The following CCDC51 variants were observed in gnomAD, a reference collection of about 807,000 sequenced individuals.
The protein encoded by CCDC51 is mitochondrial potassium channel.
Under a neutral mutation model 24.8 loss-of-function variants are expected in CCDC51, and 25 were observed. The ratio of observed to expected loss-of-function variants is 1.01; its 90% CI spans 0.73 to 1.41. The LOEUF (loss-of-function observed/expected upper bound fraction) is 1.41, where lower values mean the gene tolerates loss of function less well. Ranked by LOEUF, CCDC51 falls within the 40% of genes most tolerant of loss-of-function variation. The pLI is 0.00. For synonymous variants in CCDC51, 190 were observed against 204.3 expected, an observed-to-expected ratio of 0.93 and a Z score of 0.60; for missense variants, 466 against 519.1, an observed-to-expected ratio of 0.90 and a Z score of 0.99.
intron 1 of CCDC51, among the ~76,000 whole-genome samples, chr3:48,438,861 G>A (rs192831552): frequency 1.3e-5 from 2 of 152,110 alleles, no homozygotes; most frequent in South Asian, 2.1e-4. Flanking sequence ...CTTTTCCATG[G>A]CCTACAGGGA....
upstream of CCDC51, chr3:48,440,309 G>A: frequency 6.2e-7 from 1 of 1,608,338 alleles, no homozygotes; most frequent in Non-Finnish European, 8.5e-7. Context: ...GTCCGGCCGC[G>A]AAGGTAAGTG....
rs1240967951 is a variant in CCDC51 at position 48,435,859 on chromosome 3, G to C, written c.-8-723C>G. Among the ~76,000 whole-genome samples the C allele has an allele frequency of 1.3e-5, 2 of 152,074 alleles. No individual in the cohort carries two copies. Among genetic ancestry groups the C allele is most frequent in the African/African-American group, 4.8e-5 (2 of 41,402 alleles). On this transcript the variant is annotated intron_variant, in intron 1 of 3. Coordinates refer to ENST00000395694, the MANE Select transcript of CCDC51 (RefSeq NM_001256964.2). The surrounding 1 kb of genome is among the most constrained non-coding windows in gnomAD (Gnocchi z 4.2). The stretch of plus-strand genomic sequence containing the variant: ...ACAACTCCGCCCCCAGACTTTCCAG[G>C]CTACCAACTCTCAGTCTCACACTTC...
intron 1 of CCDC51, chr3:48,438,247 GA>G (rs2039419224): frequency 6.6e-6 from 1 of 151,880 alleles, no homozygotes; most frequent in African/African-American, 2.4e-5. Context: ...ACAACTTTGT[GA>G]ATATAATAAA....
At position 48,434,840 on chromosome 3, in the gene CCDC51, C is replaced by T; in HGVS notation, c.289G>A (p.Glu97Lys). The change falls in exon 2 of 4, where the codon GAG (glutamate) becomes AAG (lysine). Residue 97 changes from glutamate (E) to lysine (K), a missense_variant. By Grantham distance (56) the Glu-to-Lys change is moderately conservative (BLOSUM62 1). Transcript: ENST00000395694. The stretch of plus-strand genomic sequence containing the variant: ...ACCTCTGTCACCTTTCCCTGGGCCT[C>T]TCGAACCTCGTTGAGTCCAACAAAC... The part of the protein sequence containing the change: ...EEFVGLNEVR[E>K]AQGKVTEAEK... 6.2e-7 allele frequency: 1 copy of T among 1,607,484 alleles called. No individual in the cohort carries two copies. Among genetic ancestry groups the T allele is most frequent in the Non-Finnish European group, 8.5e-7 (1 of 1,175,526 alleles).
At position 48,433,201 on chromosome 3, in the gene CCDC51, G is replaced by A; in HGVS notation, c.478-35C>T. 1.9e-6 allele frequency: 3 copies of A among 1,592,384 alleles called. No individual in the cohort carries two copies. The highest frequency in any genetic ancestry group is 2.6e-6 in the Non-Finnish European group (3 of 1,168,368). Reference sequence around the variant, plus strand: ...CAAAGCCATGTTATTGGATTACATGGGCACAAGGTGGCCCTGCAGCTATAG... The same window carrying A: ...CAAAGCCATGTTATTGGATTACATGAGCACAAGGTGGCCCTGCAGCTATAG... On this transcript the variant is annotated intron_variant, in intron 3 of 3. Transcript: ENST00000395694. The surrounding 1 kb of genome is among the most constrained non-coding windows in gnomAD (Gnocchi z 4.4).
rs564131968 is a variant in CCDC51 at position 48,432,903 on chromosome 3, G to A, written c.741C>T (p.Ala247=). The change falls in exon 4 of 4, where the codon GCC becomes GCT. Residue 247 remains alanine, a synonymous_variant. Coordinates refer to ENST00000395694, the MANE Select transcript of CCDC51 (RefSeq NM_001256964.2). The part of the protein sequence containing the change: ...AQKGPVSLQE[A]IREQASSYSR... Reference sequence around the variant, plus strand: ...AGTAGCTAGACGCCTGTTCTCGAATGGCCTCTTGGAGACTCACAGGCCCCT... The same window carrying A: ...AGTAGCTAGACGCCTGTTCTCGAATAGCCTCTTGGAGACTCACAGGCCCCT... 8.1e-6 allele frequency: 13 copies of A among 1,614,070 alleles called. No homozygotes were observed. The South Asian group carries it at 1.2e-4, about 15-fold the overall frequency.
rs2039318139 is a variant in CCDC51 at position 48,435,299 on chromosome 3, G to T, written c.-8-163C>A. On this transcript the variant is annotated intron_variant, in intron 1 of 3. Transcript: ENST00000395694. This position sits in a 1 kb window ranked among gnomAD's most constrained non-coding sequence, Gnocchi z 4.2. ...AGAGACTGTGGCCCCTGTGGCAAGA[G>T]GATGGTCAGGCTCTCCTCTGGGTGC... is the stretch of plus-strand genomic sequence containing the variant. Among the ~76,000 whole-genome samples, 1 of 152,338 alleles carries T rather than the reference G, an allele frequency of 6.6e-6. No individual in the cohort carries two copies. The highest frequency in any genetic ancestry group is 1.9e-4 in the East Asian group (1 of 5,190).
intron 1 of CCDC51, 129 bp downstream of exon 1, chr3:48,439,859 G>A (rs1025533554): frequency 4.3e-6 from 1 of 232,108 alleles, no homozygotes; most frequent in Non-Finnish European, 8.4e-6. Flanking sequence ...ATAGGACCAC[G>A]TGATATAACT....
chr3:48,443,461 G>T (rs2039612250), upstream of CCDC51, among the ~76,000 whole-genome samples: 1 of 151,752 alleles, frequency 6.6e-6, no homozygotes, highest in Admixed American at 6.6e-5. Flanking sequence ...TTCAACCTGG[G>T]AGGCAGAGGT....
upstream of CCDC51, among the ~76,000 whole-genome samples, chr3:48,443,352 A>G (rs1006499488): frequency 5.9e-5 from 9 of 151,654 alleles, no homozygotes; most frequent in African/African-American, 2.2e-4. Flanking sequence ...GTTCGAGACC[A>G]GCCTGACCAA....
At chr3:48,436,188 G>A (rs1248225221) in intron 1 of CCDC51, among the ~76,000 whole-genome samples, 1 of 152,150 alleles carries the variant, frequency 6.6e-6, no homozygotes, top group Non-Finnish European at 1.5e-5. Context: ...CTGTGAGAGC[G>A]ACACCTGGTG....
Position 48,433,450 on chromosome 3 carries a change from C to T in CCDC51, c.477+257G>A, listed in dbSNP as rs1396572065. Among the ~76,000 whole-genome samples, 2 of 152,204 alleles carry T rather than the reference C, an allele frequency of 1.3e-5. No homozygotes were observed. Among genetic ancestry groups the T allele is most frequent in the African/African-American group, 4.8e-5 (2 of 41,454 alleles). The stretch of plus-strand genomic sequence containing the variant: ...AGTGTCCAGCACTCCCTAGGCCAGC[C>T]CCTCCATAGTTCTCCTTCCTCAGCA... On this transcript the variant is annotated intron_variant, in intron 3 of 3. Transcript: ENST00000395694. The surrounding 1 kb of genome is among the most constrained non-coding windows in gnomAD (Gnocchi z 4.4).
chr3:48,446,134 G>GA, the CCDC51 span: 29 of 148,866 alleles, frequency 1.9e-4, no homozygotes, highest in Middle Eastern at 3.4e-3. Context: ...CAGAGCTTAG[G>GA]AAAAAAAAAC....
At chr3:48,438,059 A>G (rs972335668) in intron 1 of CCDC51, 1 of 151,796 alleles carries the variant, frequency 6.6e-6, no homozygotes, top group East Asian at 1.9e-4. Flanking sequence ...TCTGGCCTTC[A>G]CCTGCTCCTC....
chr3:48,435,188 T>C lies in CCDC51; in HGVS notation c.-8-52A>G, dbSNP rs1399821996. The C allele has an allele frequency of 1.8e-5, 27 of 1,462,098 alleles. No individual in the cohort carries two copies. The highest frequency in any genetic ancestry group is 2.5e-5 in the Non-Finnish European group (27 of 1,095,428). 90.6% of individuals were successfully genotyped at this position (1,462,098 alleles called of 1,614,324 possible). On this transcript the variant is annotated intron_variant, in intron 1 of 3. Coordinates refer to ENST00000395694, the MANE Select transcript of CCDC51 (RefSeq NM_001256964.2). This position sits in a 1 kb window ranked among gnomAD's most constrained non-coding sequence, Gnocchi z 4.2. ...GCTCACAGCTGAGAAAGGCTGGACA[T>C]AAGTCAGTTTTGAGGCCTAGGGACA...
In CCDC51 at chr3:48,432,211, T is replaced by C; in HGVS notation, c.*197A>G. ...AACTCAGGATATTTTAATTGGACAT[T>C]AGCACAAAGTTTTGATAATTAATGT... On this transcript the variant is annotated 3_prime_UTR_variant, in exon 4 of 4. Transcript: ENST00000395694. 1.7e-6 allele frequency: 1 copy of C among 588,962 alleles called. No homozygotes were observed. The highest frequency in any genetic ancestry group is 2.9e-6 in the Non-Finnish European group (1 of 339,742). 36.5% of individuals were successfully genotyped at this position (588,962 alleles called of 1,614,324 possible). A position where few individuals can be genotyped will look rare whatever the true frequency, so the allele number is the denominator to read the frequency against.
chr3:48,440,469 G>T, upstream of CCDC51: 1 of 1,611,812 alleles, frequency 6.2e-7, no homozygotes, highest in East Asian at 2.2e-5. Flanking sequence ...GTGAGGGCGG[G>T]CGCGGAGGCA....
At chr3:48,442,131 G>C (rs960719071), upstream of CCDC51, among the ~76,000 whole-genome samples, 4 of 152,076 alleles carry the variant, frequency 2.6e-5, no homozygotes, top group Non-Finnish European at 5.9e-5. Flanking sequence ...TATTTAAAAG[G>C]CTGAGGCAGC....
Position 48,437,200 on chromosome 3 carries a change from C to T in CCDC51, c.-8-2064G>A, listed in dbSNP as rs2039381694. On this transcript the variant is annotated intron_variant, in intron 1 of 3. Transcript: ENST00000395694. This position sits in a 1 kb window ranked among gnomAD's most constrained non-coding sequence, Gnocchi z 4.2. ...ACTCCCTCCCCAGCTACCTTCTCTG[C>T]TTTATTTTTCTCCTGATGGATATAT... Among the ~76,000 whole-genome samples, 1 of 152,208 alleles carries T rather than the reference C, an allele frequency of 6.6e-6. No individual in the cohort carries two copies. The highest frequency in any genetic ancestry group is 2.4e-5 in the African/African-American group (1 of 41,446).
Sources: allele counts gnomAD v4.1 joint callset (sites outside exome capture counted in the v4.1 genomes callset), GRCh38; gene constraint gnomAD v4.1.1; non-coding constraint Gnocchi (gnomAD v3.1); transcripts MANE v1.5; gene names NCBI Gene and HGNC (gene_info 2026-07-23, HGNC 2026-07-21).